SEMA3E: variants seen among roughly 807,000 people sequenced by gnomAD.
SEMA3E encodes the protein semaphorin 3E.
Under a neutral mutation model 93.6 loss-of-function variants are expected in SEMA3E, and 49 were observed. That is an observed-to-expected ratio of 0.52 (90% CI 0.42 to 0.66). The LOEUF (loss-of-function observed/expected upper bound fraction) is 0.66. SEMA3E is among the 30% of genes least tolerant of loss of function. SEMA3E has a pLI of 0.00. For synonymous variants in SEMA3E, 363 were observed against 330.7 expected (o/e 1.10, Z -1.06); for missense variants, 906 against 964.8 (o/e 0.94, Z 0.81).
intron 1 of SEMA3E, among the ~76,000 whole-genome samples, chr7:83,549,143 A>G (rs1791710199): frequency 6.6e-6 from 1 of 152,184 alleles, no homozygotes; most frequent in Non-Finnish European, 1.5e-5. Context: ...CTACATAATG[A>G]AAACTCAATT....
intron 1 of SEMA3E, among the ~76,000 whole-genome samples, chr7:83,644,921 A>G (rs768365801): frequency 1.3e-5 from 2 of 151,998 alleles, no homozygotes; most frequent in Non-Finnish European, 2.9e-5. Context: ...TTTATGCTTA[A>G]GCAGCAATTC....
chr7:83,521,714 G>A (rs550866982), intron 1 of SEMA3E, among the ~76,000 whole-genome samples: 32 of 152,126 alleles, frequency 2.1e-4, no homozygotes, highest in Admixed American at 3.3e-4. Flanking sequence ...TGTCCTCATG[G>A]GGAACAGAGA....
intron 16 of SEMA3E, among the ~76,000 whole-genome samples, chr7:83,381,278 C>T (rs1217567071): frequency 6.6e-6 from 1 of 151,968 alleles, no homozygotes; most frequent in African/African-American, 2.4e-5. Flanking sequence ...CTATTAGTCT[C>T]CCTACTGCTC....
chr7:83,513,941 G>T (rs1228605224), intron 1 of SEMA3E, among the ~76,000 whole-genome samples: 1 of 152,148 alleles, frequency 6.6e-6, no homozygotes, highest in African/African-American at 2.4e-5. Flanking sequence ...TGCATTCCCA[G>T]ATGGTTAAGG....
At chr7:83,383,393 A>G (rs1219077654) in intron 16 of SEMA3E, among the ~76,000 whole-genome samples, 10 of 151,942 alleles carry the variant, frequency 6.6e-5, no homozygotes, top group Admixed American at 6.6e-4. Context: ...GTTATTAAAG[A>G]AAATTAAGAA....
intron 1 of SEMA3E, among the ~76,000 whole-genome samples, chr7:83,562,571 C>T (rs780305361): frequency 1.3e-5 from 2 of 151,734 alleles, no homozygotes; most frequent in Non-Finnish European, 2.9e-5. Flanking sequence ...ATATCCTCCC[C>T]TAGCTATTCC....
chr7:83,411,810 T>C (rs1325618611), intron 5 of SEMA3E, among the ~76,000 whole-genome samples: 4 of 152,150 alleles, frequency 2.6e-5, no homozygotes, highest in Non-Finnish European at 5.9e-5. Flanking sequence ...AAACATTTTA[T>C]AAAAAGATTA....
intron 1 of SEMA3E, among the ~76,000 whole-genome samples, chr7:83,589,816 T>C (rs1464283255): frequency 2.6e-5 from 4 of 152,130 alleles, no homozygotes; most frequent in Non-Finnish European, 5.9e-5. Context: ...GTAGTTATTG[T>C]ATTGGATCAT....
rs575681301 is a variant in SEMA3E, at chr7:83,430,404, A to G, written c.457-11921T>C. Among the ~76,000 whole-genome samples, 196 of 152,114 alleles carry G rather than the reference A, an allele frequency of 1.3e-3. 2 individuals carry two copies. Among genetic ancestry groups the G allele is most frequent in the African/African-American group, 4.6e-3 (191 of 41,518 alleles). On this transcript the variant is annotated intron_variant, in intron 4 of 16. Coordinates refer to ENST00000643230, the MANE Select transcript of SEMA3E (RefSeq NM_012431.3). ...GACTTGAACCCAGGAGACAGAGGTT[A>G]CAGTGAGCCAAAATCCCGCCACTGC...
At chr7:83,645,274 G>T (rs1794064832) in intron 1 of SEMA3E, among the ~76,000 whole-genome samples, 1 of 151,928 alleles carries the variant, frequency 6.6e-6, no homozygotes, top group Non-Finnish European at 1.5e-5. Context: ...AACCCTTGGG[G>T]AAGAATATTA....
chr7:83,528,976 C>CT (rs1358956789), intron 1 of SEMA3E, among the ~76,000 whole-genome samples: 4 of 151,998 alleles, frequency 2.6e-5, no homozygotes, highest in Non-Finnish European at 5.9e-5. Context: ...TGTCATATCT[C>CT]TACAAAAATC....
chr7:83,522,360 A>G (rs749405547), intron 1 of SEMA3E, among the ~76,000 whole-genome samples: 54 of 152,192 alleles, frequency 3.5e-4, no homozygotes, highest in Non-Finnish European at 6.5e-4. Flanking sequence ...GTGCCTGGGA[A>G]CTTATTTCTT....
chr7:83,552,757 G>A (rs192096220), intron 1 of SEMA3E, among the ~76,000 whole-genome samples: 369 of 152,168 alleles, frequency 2.4e-3, no homozygotes, highest in African/African-American at 8.7e-3. Flanking sequence ...CTAGGGTGGC[G>A]AAAAACTCCA....
chr7:83,623,753 T>C (rs1363944737), intron 1 of SEMA3E, among the ~76,000 whole-genome samples: 2 of 152,190 alleles, frequency 1.3e-5, no homozygotes, highest in Admixed American at 6.6e-5. Context: ...TTTTTTCCTT[T>C]TTTATTTTAC....
At chr7:83,583,683 CT>C (rs1422294047) in intron 1 of SEMA3E, among the ~76,000 whole-genome samples, 3 of 152,074 alleles carry the variant, frequency 2.0e-5, no homozygotes. Context: ...CAATTCTGAA[CT>C]GGTTAGATGT....
intron 1 of SEMA3E, among the ~76,000 whole-genome samples, chr7:83,641,835 G>A (rs1794015665): frequency 6.6e-6 from 1 of 152,146 alleles, no homozygotes. Flanking sequence ...GATTTACTGA[G>A]TAATTTATAA....
chr7:83,633,804 G>T (rs1460420271), intron 1 of SEMA3E, among the ~76,000 whole-genome samples: 1 of 152,160 alleles, frequency 6.6e-6, no homozygotes, highest in Non-Finnish European at 1.5e-5. Flanking sequence ...GAGATTTTGG[G>T]TGTCTAGCAG....
intron 1 of SEMA3E, among the ~76,000 whole-genome samples, chr7:83,542,633 A>G (rs1347228208): frequency 2.0e-5 from 3 of 152,156 alleles, no homozygotes; most frequent in Non-Finnish European, 2.9e-5. Context: ...AAAACTTGAA[A>G]TAACATGTAA....
At chr7:83,438,144 T>G (rs908565232) in intron 4 of SEMA3E, among the ~76,000 whole-genome samples, 2 of 152,162 alleles carry the variant, frequency 1.3e-5, no homozygotes, top group Non-Finnish European at 2.9e-5. Context: ...ATATCTTTGG[T>G]ATTGATTTTT....
Sources: gnomAD v4.1 joint callset for allele counts (sites outside exome capture counted in the v4.1 genomes callset) on GRCh38, gnomAD v4.1.1 for gene constraint, MANE v1.5 for transcripts, NCBI Gene and HGNC (gene_info 2026-07-23, HGNC 2026-07-21) for gene names.